The following GPRIN3 variants were observed in gnomAD, a reference collection of about 807,000 sequenced individuals.
GPRIN3 encodes GPRIN family member 3.
In GPRIN3, 12 loss-of-function variants were observed where a neutral mutation model predicts 13.7. That is an observed-to-expected ratio of 0.87 (90% CI 0.56 to 1.42). The LOEUF is 1.42. Ranked by LOEUF, GPRIN3 falls within the 40% of genes most tolerant of loss-of-function variation. The probability of loss-of-function intolerance (pLI) is 0.00; values close to 1 mark genes in which losing one functional copy is unlikely to be tolerated. For missense variants in GPRIN3, 1,009 were observed against 958.7 expected, an observed-to-expected ratio of 1.05 and a Z score of -0.69; for synonymous variants, 377 against 372.7, an observed-to-expected ratio of 1.01 and a Z score of -0.13.
intron 1 of GPRIN3, among the ~76,000 whole-genome samples, chr4:89,261,019 C>A (rs1039298322): frequency 6.6e-6 from 1 of 152,102 alleles, no homozygotes; most frequent in Non-Finnish European, 1.5e-5. Flanking sequence ...ACACAACCCC[C>A]GCCCCCCAAT....
intron 1 of GPRIN3, among the ~76,000 whole-genome samples, chr4:89,257,353 T>TA (rs202213944): frequency 1.7e-4 from 25 of 150,908 alleles, no homozygotes; most frequent in Non-Finnish European, 3.1e-4. Flanking sequence ...ACCAAGAGGT[T>TA]AAAAAAAAAG....
chr4:89,270,597 AT>A (rs1437831870), intron 1 of GPRIN3, among the ~76,000 whole-genome samples: 12 of 128,654 alleles, frequency 9.3e-5, no homozygotes, highest in Admixed American at 3.8e-4. Context: ...ATATATATAT[AT>A]ATAAAATATA....
rs1234200346 is a variant in GPRIN3, at chr4:89,249,180, C to T, written c.931G>A (p.Glu311Lys). The change falls in exon 2 of 2, where the codon GAA becomes AAA. Residue 311 changes from glutamate to lysine, a missense_variant. Glu to Lys is a moderately conservative substitution (Grantham distance 56). Coordinates refer to ENST00000609438, the MANE Select transcript of GPRIN3 (RefSeq NM_198281.3). ...TCTTGCCAAGCCCTGCTGGGAACTT[C>T]CTTGATTTCACTTTCAGCTTGGTTG... ...MTNQAESEIK[E>K]VPSRAWQDAE... 1 of 1,614,224 alleles carries T rather than the reference C, an allele frequency of 6.2e-7. No individual in the cohort carries two copies. The highest frequency in any genetic ancestry group is 8.5e-7 in the Non-Finnish European group (1 of 1,180,026).
At chr4:89,282,924 T>C (rs1202511014) in intron 1 of GPRIN3, among the ~76,000 whole-genome samples, 4 of 152,222 alleles carry the variant, frequency 2.6e-5, no homozygotes, top group Non-Finnish European at 5.9e-5. Flanking sequence ...AAGAATTCAC[T>C]AATTTGATGA....
At chr4:89,288,551 G>T (rs1378285263) in intron 1 of GPRIN3, among the ~76,000 whole-genome samples, 2 of 152,194 alleles carry the variant, frequency 1.3e-5, no homozygotes, top group Non-Finnish European at 2.9e-5. Context: ...TGTGTACCTT[G>T]ATAGGATTCA....
intron 1 of GPRIN3, among the ~76,000 whole-genome samples, chr4:89,260,732 T>C (rs1349689610): frequency 1.3e-5 from 2 of 152,140 alleles, no homozygotes; most frequent in African/African-American, 2.4e-5. Flanking sequence ...GTTGCCCCTA[T>C]GTAAGTAAGT....
intron 1 of GPRIN3, among the ~76,000 whole-genome samples, chr4:89,266,482 A>G (rs1723783238): frequency 6.6e-6 from 1 of 152,216 alleles, no homozygotes; most frequent in South Asian, 2.1e-4. Flanking sequence ...TATTATATAA[A>G]AAGGATGAAG....
chr4:89,274,254 T>C (rs1213095254), intron 1 of GPRIN3, among the ~76,000 whole-genome samples: 2 of 152,158 alleles, frequency 1.3e-5, no homozygotes, highest in Middle Eastern at 3.2e-3. Context: ...GTGAAGTATG[T>C]TTGTGTTTAA....
intron 1 of GPRIN3, among the ~76,000 whole-genome samples, chr4:89,276,937 A>G (rs967552382): frequency 1.3e-5 from 2 of 152,176 alleles, no homozygotes; most frequent in African/African-American, 2.4e-5. Flanking sequence ...GCTCATAAAG[A>G]TATGTGTCAA....
In GPRIN3 at chr4:89,248,574, C is replaced by A. The variant is rs374802266; in HGVS notation, c.1537G>T (p.Asp513Tyr). 2 of 1,613,460 alleles carry A rather than the reference C, an allele frequency of 1.2e-6. No individual in the cohort carries two copies. Among genetic ancestry groups the A allele is most frequent in the South Asian group, 2.2e-5 (2 of 91,066 alleles). ...GCTTTGCTGATAGAGCCACAAGAGTCAGATAGTTTGCAATCTGGGTCTGTT... is the reference window on the plus strand; with the variant it reads ...GCTTTGCTGATAGAGCCACAAGAGTAAGATAGTTTGCAATCTGGGTCTGTT... ...HKTDPDCKLS[D>Y]SCGSISKADH... Residue 513 changes from aspartate (D) to tyrosine (Y), a missense_variant, in exon 2 of 2, where the codon GAC (aspartate) becomes TAC (tyrosine). Physicochemically the swap from Asp to Tyr is radical, Grantham distance 160. Coordinates refer to ENST00000609438, the MANE Select transcript of GPRIN3 (RefSeq NM_198281.3).
intron 1 of GPRIN3, among the ~76,000 whole-genome samples, chr4:89,277,746 T>C (rs1287154200): frequency 6.6e-6 from 1 of 152,226 alleles, no homozygotes; most frequent in Non-Finnish European, 1.5e-5. Context: ...CACGCTGTGG[T>C]CACTGATGAC....
chr4:89,270,748 A>T (rs1443854699), intron 1 of GPRIN3, among the ~76,000 whole-genome samples: 2 of 151,676 alleles, frequency 1.3e-5, no homozygotes, highest in East Asian at 3.9e-4. Flanking sequence ...CAGGTTGCCC[A>T]GGCTGGTTTG....
chr4:89,268,000 T>C (rs1459582558), intron 1 of GPRIN3, among the ~76,000 whole-genome samples: 1 of 152,170 alleles, frequency 6.6e-6, no homozygotes, highest in Non-Finnish European at 1.5e-5. Flanking sequence ...AATACTGGGA[T>C]GTAGTTACGC....
chr4:89,259,687 C>T (rs1268977000), intron 1 of GPRIN3, among the ~76,000 whole-genome samples: 1 of 152,152 alleles, frequency 6.6e-6, no homozygotes, highest in Non-Finnish European at 1.5e-5. Flanking sequence ...TCTCTGGCTG[C>T]CACACTGCCC....
Position 89,247,916 on chromosome 4 carries a change from C to T in GPRIN3, c.2195G>A (p.Arg732Gln), listed in dbSNP as rs767364379. The T allele has an allele frequency of 2.7e-5, 43 of 1,614,026 alleles. No homozygotes were observed. The highest frequency in any genetic ancestry group is 1.6e-4 in the South Asian group (15 of 91,088). ...KLIKTQNSQT[R>Q]RSISSDTSSN... ...AGAAGTATCTGAGGAAATGGATCTC[C>T]GGGTCTGGCTATTTTGAGTTTTGAT... Residue 732 changes from arginine (R) to glutamine (Q), a missense_variant, in exon 2 of 2, where the codon CGG becomes CAG. By Grantham distance (43) the Arg-to-Gln change is conservative. Transcript: ENST00000609438.
intron 1 of GPRIN3, among the ~76,000 whole-genome samples, chr4:89,304,045 C>T (rs1450413837): frequency 1.3e-5 from 2 of 152,142 alleles, no homozygotes; most frequent in East Asian, 1.9e-4. Context: ...GAAATCAGCA[C>T]CCCTTCCTCA....
rs2149244750 is a variant in GPRIN3 at position 89,239,027 on chromosome 4, T to A, written c.*8753A>T. The A allele has an allele frequency of 6.6e-6, 1 of 152,302 alleles. No individual in the cohort carries two copies. The highest frequency in any genetic ancestry group is 2.1e-4 in the South Asian group (1 of 4,830). 9.4% of individuals were successfully genotyped at this position (152,302 alleles called of 1,614,324 possible). A position where few individuals can be genotyped will look rare whatever the true frequency, so the allele number is the denominator to read the frequency against. ...TACGTAATTCCAAAATCTTACTTCA[T>A]CTTTGTATAAATTATAACATTTCTT... On this transcript the variant is annotated 3_prime_UTR_variant, in exon 2 of 2. Coordinates refer to ENST00000609438, the MANE Select transcript of GPRIN3 (RefSeq NM_198281.3).
At chr4:89,284,407 T>A (rs1000982971) in intron 1 of GPRIN3, among the ~76,000 whole-genome samples, 3 of 152,320 alleles carry the variant, frequency 2.0e-5, no homozygotes, top group East Asian at 1.9e-4. Flanking sequence ...GTTGGCCACT[T>A]ACAAGCTGTG....
At chr4:89,255,593 T>C (rs182161401) in intron 1 of GPRIN3, among the ~76,000 whole-genome samples, 67 of 152,212 alleles carry the variant, frequency 4.4e-4, no homozygotes, top group Admixed American at 1.2e-3. Flanking sequence ...GGTGTGTCAG[T>C]GGATGTAAAA....
Sources: gnomAD v4.1 joint callset for allele counts (sites outside exome capture counted in the v4.1 genomes callset) on GRCh38, gnomAD v4.1.1 for gene constraint, MANE v1.5 for transcripts, NCBI Gene and HGNC (gene_info 2026-07-23, HGNC 2026-07-21) for gene names.